Variants in CBX2 observed in about 807,000 individuals in gnomAD.
CBX2 encodes chromobox 2.
Under a neutral mutation model 21.0 loss-of-function variants are expected in CBX2, and 11 were observed. The observed-to-expected ratio is 0.52, with a 90% CI of 0.33 to 0.87. The LOEUF is 0.87. CBX2 is among the 40% of genes least tolerant of loss of function. The pLI, the probability that CBX2 is intolerant of heterozygous loss-of-function variation, is 0.02. For missense variants in CBX2, 746 were observed against 724.3 expected (o/e 1.03, Z -0.34); for synonymous variants, 364 against 304.6 (o/e 1.19, Z -2.03).
rs780048341 is a variant in CBX2, at chr17:79,784,048, C to T, written c.605C>T (p.Pro202Leu). ...DLGAPASKLP[P>L]PLSAPVAGLA... is the part of the protein sequence containing the mutation. ...GGGGCCCCGGCCAGCAAGCTGCCCC[C>T]TCCACTCAGCGCCCCCGTTGCAGGC... The change falls in exon 5 of 5, where the codon CCT becomes CTT. Residue 202 changes from proline to leucine, a missense_variant. By Grantham distance (98) the Pro-to-Leu change is moderately conservative (BLOSUM62 -3). This residue lies in a region of CBX2 where 701 missense variants were observed against 650.7 expected (regional missense o/e 1.08). Coordinates refer to ENST00000310942, the MANE Select transcript of CBX2 (RefSeq NM_005189.3). This position sits in a 1 kb window ranked among gnomAD's most constrained non-coding sequence, Gnocchi z 5.9. The T allele has an allele frequency of 9.9e-6, 16 of 1,612,790 alleles. No individual in the cohort carries two copies. The highest frequency in any genetic ancestry group is 1.3e-5 in the Non-Finnish European group (15 of 1,179,900).
intron 2 of CBX2, among the ~76,000 whole-genome samples, chr17:79,779,118 G>A (rs1315667589): frequency 6.6e-6 from 1 of 152,212 alleles, no homozygotes; most frequent in Admixed American, 6.5e-5. Context: ...TCCTCTTGTG[G>A]CCTTGTTTTA....
At chr17:79,783,617 C>T in intron 4 of CBX2, 115 bp from the exon 5 acceptor site, 1 of 888,228 alleles carries the variant, frequency 1.1e-6, no homozygotes, top group Non-Finnish European at 1.8e-6. Context: ...ACTATGTTGG[C>T]CAGGCTGGTC....
chr17:79,779,711 G>T (rs1419940707), intron 3 of CBX2: 11 of 487,182 alleles, frequency 2.3e-5, no homozygotes, highest in African/African-American at 1.8e-4. Context: ...AACTTTTTCA[G>T]TTGCTTCAGA....
intron 3 of CBX2, among the ~76,000 whole-genome samples, chr17:79,781,485 C>G (rs1207236950): frequency 1.3e-5 from 2 of 152,172 alleles, no homozygotes; most frequent in Non-Finnish European, 2.9e-5. Flanking sequence ...TCAGCTTGTC[C>G]TTAGCCAAAT....
intron 3 of CBX2, among the ~76,000 whole-genome samples, chr17:79,781,058 G>A (rs1339267268): frequency 1.6e-5 from 2 of 127,488 alleles, no homozygotes; most frequent in Non-Finnish European, 3.5e-5. Flanking sequence ...GCTCTTCTGG[G>A]GGCGGGGGGG....
rs1555829438 is a variant in CBX2 at position 79,778,384 on chromosome 17, G to A, written c.73G>A (p.Gly25Ser). 6.3e-7 allele frequency: 1 copy of A among 1,582,798 alleles called. No homozygotes were observed. The highest frequency in any genetic ancestry group is 1.1e-5 in the South Asian group (1 of 88,610). ...ECILSKRLRKGKLEYLVKWRG... is the reference protein window; with the variant it reads ...ECILSKRLRKSKLEYLVKWRG... ...CACGGCCCCTCTTCTCTCCCCGCAG[G>A]GCAAGCTGGAGTACCTGGTCAAGTG... Residue 25 changes from glycine to serine, a missense_variant and splice_region_variant, in exon 2 of 5, where the codon GGC becomes AGC. This residue lies in a region of CBX2 where 45 missense variants were observed against 73.6 expected (regional missense o/e 0.61). Coordinates refer to ENST00000310942, the MANE Select transcript of CBX2 (RefSeq NM_005189.3). This position sits in a 1 kb window ranked among gnomAD's most constrained non-coding sequence, Gnocchi z 4.8.
Position 79,784,265 on chromosome 17 carries a change from G to A in CBX2, c.822G>A (p.Leu274=). The A allele has an allele frequency of 6.2e-7, 1 of 1,612,980 alleles. No individual in the cohort carries two copies. Among genetic ancestry groups the A allele is most frequent in the Non-Finnish European group, 8.5e-7 (1 of 1,179,878 alleles). The change falls in exon 5 of 5, where the codon TTG becomes TTA. Residue 274 remains leucine (L), a synonymous_variant. Transcript: ENST00000310942. This position sits in a 1 kb window ranked among gnomAD's most constrained non-coding sequence, Gnocchi z 5.9. ...TQSQAQAASR[L]ALKAQATNKC... ...GCCAGGCCCAGGCTGCCAGCAGGTT[G>A]GCGCTGAAGGCCCAGGCCACCAACA...
upstream of CBX2, among the ~76,000 whole-genome samples, chr17:79,777,957 G>T (rs1242501986): frequency 7.0e-6 from 1 of 143,044 alleles, no homozygotes; most frequent in Admixed American, 6.9e-5. Context: ...GGCCCCGCGC[G>T]GGACCCCCCG....
At position 79,784,961 on chromosome 17, in the gene CBX2, C is replaced by T. The variant is rs1341672174; in HGVS notation, c.1518C>T (p.Thr506=). ...TRSLIEHVFV[T]DVTANLITVT... ...GCCTCATCGAGCACGTATTTGTCAC[C>T]GACGTCACTGCCAACCTCATCACCG... is the stretch of plus-strand genomic sequence containing the variant. The change falls in exon 5 of 5, where the codon ACC becomes ACT. Residue 506 remains threonine (T), a synonymous_variant. Coordinates refer to ENST00000310942, the MANE Select transcript of CBX2 (RefSeq NM_005189.3). The surrounding 1 kb of genome is among the most constrained non-coding windows in gnomAD (Gnocchi z 5.9). 5.6e-6 allele frequency: 9 copies of T among 1,610,362 alleles called. No individual in the cohort carries two copies. Among genetic ancestry groups the T allele is most frequent in the East Asian group, 2.2e-5 (1 of 44,900 alleles).
rs1555831486 is a variant in CBX2 at position 79,785,057 on chromosome 17, C to G, written c.*15C>G. On this transcript the variant is annotated 3_prime_UTR_variant, in exon 5 of 5. Coordinates refer to ENST00000310942, the MANE Select transcript of CBX2 (RefSeq NM_005189.3). ...GGCATTACTGAAGCCCCGGCGCCACCAGCTGCGCGGTCTTACTCCCCTTCC... is the reference window on the plus strand; with the variant it reads ...GGCATTACTGAAGCCCCGGCGCCACGAGCTGCGCGGTCTTACTCCCCTTCC... 2 of 1,591,580 alleles carry G rather than the reference C, an allele frequency of 1.3e-6. No individual in the cohort carries two copies. Among genetic ancestry groups the G allele is most frequent in the Admixed American group, 3.3e-5 (2 of 60,020 alleles).
chr17:79,780,186 C>A (rs1472350024), intron 3 of CBX2, among the ~76,000 whole-genome samples: 1 of 152,214 alleles, frequency 6.6e-6, no homozygotes, highest in South Asian at 2.1e-4. Context: ...ACTGACGGCT[C>A]CCCCTGGATC....
chr17:79,777,580 C>G (rs1201874449), upstream of CBX2, among the ~76,000 whole-genome samples: 1 of 152,190 alleles, frequency 6.6e-6, no homozygotes, highest in Non-Finnish European at 1.5e-5. Context: ...GCCCCTCCCC[C>G]GGACTTCGTC....
chr17:79,777,907 G>A (rs1304200274), upstream of CBX2, among the ~76,000 whole-genome samples: 3 of 147,868 alleles, frequency 2.0e-5, no homozygotes, highest in Non-Finnish European at 4.5e-5. Flanking sequence ...CCAGCCAGGG[G>A]CCCGCCCGCG....
At chr17:79,781,879 G>A (rs782558660) in intron 4 of CBX2, 78 bp downstream of exon 4, 1 of 1,614,178 alleles carries the variant, frequency 6.2e-7, no homozygotes, top group Non-Finnish European at 8.5e-7. Context: ...GGGAGGGTTT[G>A]GGGCCCTCAG....
rs1303267710 is a variant in CBX2 at position 79,782,003 on chromosome 17, T to A, written c.288+202T>A. The A allele has an allele frequency of 3.7e-6, 6 of 1,613,920 alleles. No individual in the cohort carries two copies. The African/African-American group carries it at 6.7e-5, about 18-fold the overall frequency. On this transcript the variant is annotated intron_variant, in intron 4 of 4. Transcript: ENST00000310942. ...GGGGCCCCAGCCGGCTGAGAGTTCC[T>A]CCCCGCCCCTCCCAGGGGCTTCCTG... is the stretch of plus-strand genomic sequence containing the variant.
At position 79,785,069 on chromosome 17, in the gene CBX2, C is replaced by CT. The variant is rs1568503512; in HGVS notation, c.*29dup. 6 of 1,563,334 alleles carry CT rather than the reference C, an allele frequency of 3.8e-6. No homozygotes were observed. The highest frequency in any genetic ancestry group is 1.7e-6 in the Non-Finnish European group (2 of 1,147,518). ...GCCCCGGCGCCACCAGCTGCGCGGT[C>CT]TTACTCCCCTTCCCTGCCTATGGTG... is the stretch of plus-strand genomic sequence containing the variant. On this transcript the variant is annotated 3_prime_UTR_variant, in exon 5 of 5. Transcript: ENST00000310942.
At position 79,786,152 on chromosome 17, in the gene CBX2, G is replaced by T. The variant is rs1555831800; in HGVS notation, c.*1110G>T. Reference sequence around the variant, plus strand: ...GCCCACAGACTGCCCCGGAGACCTGGAGGACAGCAGTGCTGGCACTTGGGT... The same window carrying T: ...GCCCACAGACTGCCCCGGAGACCTGTAGGACAGCAGTGCTGGCACTTGGGT... On this transcript the variant is annotated 3_prime_UTR_variant, in exon 5 of 5. Coordinates refer to ENST00000310942, the MANE Select transcript of CBX2 (RefSeq NM_005189.3). 6.6e-6 allele frequency: 1 copy of T among 152,544 alleles called. No individual in the cohort carries two copies. The highest frequency in any genetic ancestry group is 2.4e-5 in the African/African-American group (1 of 41,474). 9.4% of individuals were successfully genotyped at this position (152,544 alleles called of 1,614,324 possible).
intron 4 of CBX2, among the ~76,000 whole-genome samples, chr17:79,783,330 G>A (rs1346563429): frequency 6.6e-6 from 1 of 152,154 alleles, no homozygotes; most frequent in African/African-American, 2.4e-5. Flanking sequence ...TGGCTGCAAG[G>A]TGCCCAGTGT....
Position 79,783,036 on chromosome 17 carries a change from G to C in CBX2, c.289-696G>C, listed in dbSNP as rs376069517. 3.9e-5 allele frequency among the ~76,000 whole-genome samples: 6 copies of C among 152,136 alleles called. No homozygotes were observed. The East Asian group carries it at 9.6e-4, about 24-fold the overall frequency. On this transcript the variant is annotated intron_variant, in intron 4 of 4. Transcript: ENST00000310942. Reference sequence around the variant, plus strand: ...CAAAGCTGTGCATGCTACTTAATACGACTTGTAACCTCCTGAGTCCTGAAA... The same window carrying C: ...CAAAGCTGTGCATGCTACTTAATACCACTTGTAACCTCCTGAGTCCTGAAA...
Sources: gnomAD v4.1 joint callset for allele counts (sites outside exome capture counted in the v4.1 genomes callset) on GRCh38, gnomAD v4.1.1 for gene constraint, gnomAD v4.1.1 regional missense constraint, Gnocchi (gnomAD v3.1) non-coding constraint, MANE v1.5 for transcripts, NCBI Gene and HGNC (gene_info 2026-07-23, HGNC 2026-07-21) for gene names.